The following INO80 variants were observed in gnomAD, a reference collection of about 807,000 sequenced individuals.
The protein encoded by INO80 is chromatin-remodeling ATPase INO80.
Under a neutral mutation model 203.4 loss-of-function variants are expected in INO80, and 20 were observed. The observed-to-expected ratio is 0.10, with a 90% CI of 0.07 to 0.14. The LOEUF (loss-of-function observed/expected upper bound fraction) is 0.14. Among genes scored for constraint, INO80 ranks in the 10% least tolerant of loss-of-function variants. The pLI, the probability that INO80 is intolerant of heterozygous loss-of-function variation, is 1.00. For missense variants in INO80, 1,419 were observed against 1,914.4 expected, an observed-to-expected ratio of 0.74 and a Z score of 4.83; for synonymous variants, 726 against 685.2, an observed-to-expected ratio of 1.06 and a Z score of -0.93.
chr15:41,075,150 T>C (rs1031638085), intron 9 of INO80, among the ~76,000 whole-genome samples: 42 of 152,208 alleles, frequency 2.8e-4, no homozygotes, highest in African/African-American at 9.9e-4. Context: ...TTACATTACT[T>C]TTCTATGGTG....
intron 25 of INO80, among the ~76,000 whole-genome samples, chr15:41,023,802 A>G (rs1386581365): frequency 6.7e-6 from 1 of 149,260 alleles, no homozygotes; most frequent in Non-Finnish European, 1.5e-5. Flanking sequence ...AACGAAAAAA[A>G]GAAACAAAAA....
chr15:41,047,896 G>A (rs996418974), intron 22 of INO80, among the ~76,000 whole-genome samples: 1 of 152,166 alleles, frequency 6.6e-6, no homozygotes, highest in Admixed American at 6.5e-5. Flanking sequence ...AGGCTAAGAC[G>A]GAAGGAAGTC....
intron 13 of INO80, 136 bp from the exon 14 acceptor site, chr15:41,069,801 A>G: frequency 1.7e-6 from 1 of 602,614 alleles, no homozygotes; most frequent in East Asian, 2.8e-5. Context: ...CCAAATCTGC[A>G]CATTCAATAG....
At chr15:40,982,778 T>C in intron 35 of INO80, 84 bp downstream of exon 35, 2 of 1,131,018 alleles carry the variant, frequency 1.8e-6, no homozygotes, top group Non-Finnish European at 2.5e-6. Context: ...GCTTCAGGGT[T>C]TCCTACATGT....
In INO80 at chr15:40,985,294, C is replaced by G. The variant is rs771279347; in HGVS notation, c.3921+44G>C. 2.1e-6 allele frequency: 3 copies of G among 1,429,652 alleles called. No homozygotes were observed. The African/African-American group carries it at 4.2e-5, about 20-fold the overall frequency. 88.6% of individuals were successfully genotyped at this position (1,429,652 alleles called of 1,614,324 possible). On this transcript the variant is annotated intron_variant, in intron 32 of 35. Transcript: ENST00000648947. The stretch of plus-strand genomic sequence containing the variant: ...CCCCAAAGCCTTTTTGGTAAGTACC[C>G]CAGGCCCCATTAGCCCCTATCCACC...
intron 9 of INO80, 47 bp downstream of exon 9, chr15:41,079,654 A>C: frequency 6.5e-7 from 1 of 1,531,150 alleles, no homozygotes; most frequent in Non-Finnish European, 9.0e-7. Flanking sequence ...ATCTCTTCAA[A>C]TGGCTGTAGT....
At chr15:41,030,833 G>C (rs193156509) in intron 24 of INO80, among the ~76,000 whole-genome samples, 113 of 151,336 alleles carry the variant, frequency 7.5e-4, no homozygotes, top group African/African-American at 1.9e-3. Flanking sequence ...CGCCACACCT[G>C]GCTAATTTTT....
At chr15:41,070,136 T>C (rs1164633707) in intron 13 of INO80, among the ~76,000 whole-genome samples, 1 of 152,240 alleles carries the variant, frequency 6.6e-6, no homozygotes, top group Non-Finnish European at 1.5e-5. Flanking sequence ...AGAGGCTAAA[T>C]TGCCCAAGTT....
At chr15:41,074,983 G>T (rs187388746) in intron 9 of INO80, among the ~76,000 whole-genome samples, 1 of 152,038 alleles carries the variant, frequency 6.6e-6, no homozygotes, top group Non-Finnish European at 1.5e-5. Context: ...GTGATCCACT[G>T]GCTTCAGCAT....
intron 19 of INO80, 69 bp from the exon 20 acceptor site, chr15:41,050,171 T>C (rs1311960152): frequency 1.4e-5 from 15 of 1,048,884 alleles, no homozygotes; most frequent in Non-Finnish European, 2.0e-5. Context: ...CAGCTTAAAG[T>C]TGAAAACACA....
chr15:41,105,976 G>A (rs550318208), intron 1 of INO80, among the ~76,000 whole-genome samples: 1 of 152,202 alleles, frequency 6.6e-6, no homozygotes, highest in African/African-American at 2.4e-5. Context: ...TAAGATCCGG[G>A]GCCAGGTGTG....
intron 32 of INO80, among the ~76,000 whole-genome samples, 197 bp from the exon 33 acceptor site, chr15:40,984,549 C>T (rs1893950510): frequency 6.6e-6 from 1 of 151,682 alleles, no homozygotes; most frequent in Admixed American, 6.6e-5. Flanking sequence ...CAGTCGAGTA[C>T]TGTGGCACAT....
rs565612625 is a variant in INO80, at chr15:41,005,761, C to T, written c.3403-74G>A. The T allele has an allele frequency of 1.0e-4, 82 of 789,558 alleles. 1 individual carries two copies. The African/African-American group carries it at 1.4e-3, about 13-fold the overall frequency. The allele number at this position is 789,558 out of a possible 1,614,324, so 48.9% of individuals were successfully genotyped here. A position where few individuals can be genotyped will look rare whatever the true frequency, so the allele number is the denominator to read the frequency against. On this transcript the variant is annotated intron_variant, in intron 27 of 35. Coordinates refer to ENST00000648947, the MANE Select transcript of INO80 (RefSeq NM_017553.3). ...ATTCTGATTTCCACAGGCATCTACC[C>T]ATCTTCTACCTTGTCCACACTGGAG... is the stretch of plus-strand genomic sequence containing the variant.
chr15:41,081,057 G>T lies in INO80; in HGVS notation c.890C>A (p.Ala297Asp). The T allele has an allele frequency of 6.3e-7, 1 of 1,597,624 alleles. No individual in the cohort carries two copies. The highest frequency in any genetic ancestry group is 8.6e-7 in the Non-Finnish European group (1 of 1,165,594). ...GGTGAGAAACAGGTTACGAGCTGAA[G>T]CTTTCTGCTTATTTGCCTAAAATAT... Reference protein sequence around the residue: ...KELPKANKQKASARNLFLTNS... With the variant: ...KELPKANKQKDSARNLFLTNS... The change falls in exon 8 of 36, where the codon GCT (alanine) becomes GAT (aspartate). Residue 297 changes from alanine to aspartate, a missense_variant. Physicochemically the swap from Ala to Asp is moderately radical, Grantham distance 126. This residue lies in a region of INO80 where 87 missense variants were observed against 150.5 expected (regional missense o/e 0.58). Coordinates refer to ENST00000648947, the MANE Select transcript of INO80 (RefSeq NM_017553.3).
intron 16 of INO80, 67 bp downstream of exon 16, chr15:41,058,570 CGT>C (rs67053863): frequency 0.17 from 82,908 of 493,302 alleles, 1,316 homozygotes; most frequent in African/African-American, 0.25. Context: ...TGTGTGTGTG[CGT>C]GTGTGTGTGT....
At chr15:41,101,990 G>A (rs1246709962) in intron 1 of INO80, among the ~76,000 whole-genome samples, 1 of 151,684 alleles carries the variant, frequency 6.6e-6, no homozygotes, top group African/African-American at 2.4e-5. Flanking sequence ...AGGAATTCGA[G>A]ACCAACCTGG....
At chr15:41,016,459 C>T (rs2044212559) in intron 26 of INO80, among the ~76,000 whole-genome samples, 1 of 152,260 alleles carries the variant, frequency 6.6e-6, no homozygotes, top group Non-Finnish European at 1.5e-5. Context: ...CAGACATGTG[C>T]TCTTAAGGCA....
intron 25 of INO80, among the ~76,000 whole-genome samples, chr15:41,022,440 A>C (rs2044308923): frequency 6.6e-6 from 1 of 152,186 alleles, no homozygotes; most frequent in African/African-American, 2.4e-5. Flanking sequence ...CCAAAAGTGT[A>C]GATTTTGAAC....
intron 24 of INO80, among the ~76,000 whole-genome samples, chr15:41,043,962 C>T (rs2044710599): frequency 6.6e-6 from 1 of 152,196 alleles, no homozygotes; most frequent in Admixed American, 6.5e-5. Flanking sequence ...GATGCCACTA[C>T]ACATTCACAA....
Sources: gnomAD v4.1 joint callset for allele counts (sites outside exome capture counted in the v4.1 genomes callset) on GRCh38, gnomAD v4.1.1 for gene constraint, gnomAD v4.1.1 regional missense constraint, MANE v1.5 for transcripts, NCBI Gene and HGNC (gene_info 2026-07-23, HGNC 2026-07-21) for gene names.